Variants in LARGE1 observed in about 807,000 individuals in gnomAD.
The protein encoded by LARGE1 is LARGE xylosyl- and glucuronyltransferase 1, also known as xylosyl- and glucuronyltransferase LARGE1.
Under a neutral mutation model 87.6 loss-of-function variants are expected in LARGE1, and 43 were observed. The ratio of observed to expected loss-of-function variants is 0.49; its 90% confidence interval spans 0.38 to 0.63. LARGE1 has a LOEUF of 0.63. LARGE1 is among the 30% of genes least tolerant of loss of function. LARGE1 has a pLI of 0.00. For synonymous variants in LARGE1, 434 were observed against 394.6 expected (o/e 1.10, Z -1.18); for missense variants, 802 against 1,000.2 (o/e 0.80, Z 2.67).
chr22:33,591,454 T>C (rs2078835907), intron 5 of LARGE1, among the ~76,000 whole-genome samples: 3 of 152,196 alleles, frequency 2.0e-5, no homozygotes, highest in African/African-American at 7.2e-5. Context: ...ACTCCATCTC[T>C]CCTTGGCTGA....
intron 1 of LARGE1, among the ~76,000 whole-genome samples, chr22:33,874,708 A>G (rs1371308258): frequency 6.6e-6 from 1 of 152,186 alleles, no homozygotes; most frequent in Non-Finnish European, 1.5e-5. Flanking sequence ...ACTGTCTTTG[A>G]AAGTTCAGGC....
At chr22:33,138,959 G>A in the LARGE1 span, among the ~76,000 whole-genome samples, 4 of 152,122 alleles carry the variant, frequency 2.6e-5, 1 homozygote, top group Admixed American at 2.6e-4. Flanking sequence ...ATGAAGGCAG[G>A]TCTTTCCCAT....
intron 4 of LARGE1, among the ~76,000 whole-genome samples, chr22:33,608,916 A>C (rs937660261): frequency 1.3e-5 from 2 of 152,208 alleles, no homozygotes; most frequent in Non-Finnish European, 2.9e-5. Context: ...AAAATAACAT[A>C]ATAAACATAA....
intron 1 of LARGE1, among the ~76,000 whole-genome samples, chr22:33,816,071 T>G (rs1411481384): frequency 6.6e-6 from 1 of 152,214 alleles, no homozygotes; most frequent in African/African-American, 2.4e-5. Flanking sequence ...GGTGTTCTGA[T>G]GCCCACACTG....
At chr22:33,584,366 C>T (rs1467505178) in intron 5 of LARGE1, among the ~76,000 whole-genome samples, 1 of 152,184 alleles carries the variant, frequency 6.6e-6, no homozygotes, top group Non-Finnish European at 1.5e-5. Context: ...CTGGAAATCA[C>T]AGTGGCCCCC....
At chr22:33,530,921 C>A (rs969888439) in intron 6 of LARGE1, among the ~76,000 whole-genome samples, 2 of 152,194 alleles carry the variant, frequency 1.3e-5, no homozygotes, top group Non-Finnish European at 2.9e-5. Context: ...AGAGTACACA[C>A]CAGAGACTCA....
chr22:33,499,880 T>G (rs932980305), intron 6 of LARGE1, among the ~76,000 whole-genome samples: 1 of 152,150 alleles, frequency 6.6e-6, no homozygotes, highest in Admixed American at 6.5e-5. Flanking sequence ...TTCAAGCGAC[T>G]CTCCTGCCTC....
Position 33,863,696 on chromosome 22 carries a change from A to T in LARGE1, c.-83+56299T>A, listed in dbSNP as rs574412433. Among the ~76,000 whole-genome samples, 15 of 151,852 alleles carry T rather than the reference A, an allele frequency of 9.9e-5. 1 individual carries two copies. Among genetic ancestry groups the T allele is most frequent in the Middle Eastern group, 6.8e-3 (2 of 294 alleles). On this transcript the variant is annotated intron_variant, in intron 1 of 14. Coordinates refer to ENST00000397394, the MANE Select transcript of LARGE1 (RefSeq NM_133642.5). ...AGCAGGAGAATCACTTGAACCCAGG[A>T]GGCGGAGGTTGCAGTGAGCCGACAT... is the stretch of plus-strand genomic sequence containing the variant.
intron 1 of LARGE1, among the ~76,000 whole-genome samples, chr22:33,823,233 T>A (rs2062689337): frequency 6.6e-6 from 1 of 152,304 alleles, no homozygotes; most frequent in African/African-American, 2.4e-5. Flanking sequence ...CCATAGCACA[T>A]ACCTTGGCTG....
intron 2 of LARGE1, among the ~76,000 whole-genome samples, chr22:33,748,983 C>T (rs1383748821): frequency 6.6e-6 from 1 of 152,170 alleles, no homozygotes; most frequent in Non-Finnish European, 1.5e-5. Context: ...GTTTTTGCAT[C>T]CCTCCCAGGA....
chr22:33,811,560 T>G (rs1416359884), intron 1 of LARGE1, among the ~76,000 whole-genome samples: 1 of 152,102 alleles, frequency 6.6e-6, no homozygotes, highest in Admixed American at 6.6e-5. Flanking sequence ...AAAAAAGATT[T>G]CCCAAATATT....
At chr22:33,771,890 G>A (rs754387469) in intron 1 of LARGE1, among the ~76,000 whole-genome samples, 5 of 152,120 alleles carry the variant, frequency 3.3e-5, no homozygotes, top group Non-Finnish European at 5.9e-5. Context: ...GGCAATCCAC[G>A]CAATCTCCAA....
At chr22:33,852,914 T>C (rs73154529) in intron 1 of LARGE1, among the ~76,000 whole-genome samples, 1,588 of 116,866 alleles carry the variant, frequency 0.014, 14 homozygotes, top group Middle Eastern at 0.077. Flanking sequence ...ATAAGTGCTA[T>C]GAAAATAAAG....
chr22:33,920,607 C>A (rs1363650934), upstream of LARGE1, among the ~76,000 whole-genome samples: 5 of 144,958 alleles, frequency 3.4e-5, no homozygotes, highest in Non-Finnish European at 7.7e-5. Context: ...CTCGCCCCGG[C>A]CTGGGGCGCG....
In LARGE1 at chr22:33,496,971, T is replaced by C. The variant is rs138583841; in HGVS notation, c.788-64706A>G. ...GGATCTTGTTCATAAAAATAGGCTC[T>C]TTCTGAAGAAATCTGATACTTGGAA... On this transcript the variant is annotated intron_variant, in intron 6 of 14. Transcript: ENST00000397394. 3.2e-3 allele frequency among the ~76,000 whole-genome samples: 483 copies of C among 152,336 alleles called. 2 individuals carry two copies. The highest frequency in any genetic ancestry group is 8.2e-3 in the African/African-American group (341 of 41,574).
intron 1 of LARGE1, among the ~76,000 whole-genome samples, chr22:33,869,343 G>C (rs1002977478): frequency 1.3e-5 from 2 of 152,102 alleles, no homozygotes; most frequent in Non-Finnish European, 2.9e-5. Flanking sequence ...AATTAGGACT[G>C]TTTCCATAGA....
At chr22:33,490,174 C>A (rs1220102737) in intron 6 of LARGE1, among the ~76,000 whole-genome samples, 1 of 152,178 alleles carries the variant, frequency 6.6e-6, no homozygotes. Flanking sequence ...AATATTACAT[C>A]ATATTTATAT....
chr22:33,329,425 G>GT (rs11445090), intron 10 of LARGE1, among the ~76,000 whole-genome samples: 12,917 of 147,628 alleles, frequency 0.087, 1,397 homozygotes, highest in African/African-American at 0.26. Flanking sequence ...ACCTTTGTGG[G>GT]TTTTTTTTTT....
intron 5 of LARGE1, among the ~76,000 whole-genome samples, chr22:33,593,152 T>A (rs5749635): frequency 3.3e-5 from 5 of 151,474 alleles, no homozygotes; most frequent in South Asian, 4.2e-4. Flanking sequence ...TTTCTGTTTT[T>A]AAAATTTTTT....
Sources: gnomAD v4.1 joint callset for allele counts (sites outside exome capture counted in the v4.1 genomes callset) on GRCh38, gnomAD v4.1.1 for gene constraint, MANE v1.5 for transcripts, NCBI Gene and HGNC (gene_info 2026-07-23, HGNC 2026-07-21) for gene names.